The following RGSL1 variants were observed in gnomAD, a reference collection of about 807,000 sequenced individuals.
RGSL1 encodes regulator of G protein signaling like 1.
A neutral mutation model predicts 124.7 loss-of-function variants in RGSL1; 97 were observed. That is an observed-to-expected ratio of 0.78 (90% CI 0.66 to 0.92). The LOEUF is 0.92. RGSL1 is among the 40% of genes least tolerant of loss of function. The pLI, the probability that RGSL1 is intolerant of heterozygous loss-of-function variation, is 0.00. For synonymous variants in RGSL1, 424 were observed against 438.1 expected (o/e 0.97, Z 0.40); for missense variants, 1,233 against 1,288.4 (o/e 0.96, Z 0.66).
chr1:182,480,743 A>C (rs1654643939), intron 6 of RGSL1, among the ~76,000 whole-genome samples: 1 of 152,220 alleles, frequency 6.6e-6, no homozygotes, highest in African/African-American at 2.4e-5. Flanking sequence ...GGCGTGAGCC[A>C]CCACGCTTGG....
At chr1:182,482,359 A>G (rs1271975588) in intron 6 of RGSL1, among the ~76,000 whole-genome samples, 1 of 152,194 alleles carries the variant, frequency 6.6e-6, no homozygotes, top group Non-Finnish European at 1.5e-5. Context: ...CTCCTCATCA[A>G]CAAAATACTG....
chr1:182,466,217 A>G lies in RGSL1; in HGVS notation c.301+6084A>G, dbSNP rs73057363. Among the ~76,000 whole-genome samples, 892 of 152,300 alleles carry G rather than the reference A, an allele frequency of 5.9e-3. 8 individuals are homozygous for G. The highest frequency in any genetic ancestry group is 0.021 in the African/African-American group (862 of 41,562). On this transcript the variant is annotated intron_variant, in intron 4 of 21. Transcript: ENST00000294854. The stretch of plus-strand genomic sequence containing the variant: ...AAACCCACAGTGAACATCATACTCA[A>G]TGACAAAAAACTGAAAGCTTTTCCT...
At chr1:182,544,931 T>C (rs950780263) in intron 15 of RGSL1, among the ~76,000 whole-genome samples, 3 of 152,142 alleles carry the variant, frequency 2.0e-5, no homozygotes, top group African/African-American at 7.2e-5. Flanking sequence ...TGGGTCTTGT[T>C]TCTTTATCCA....
Position 182,493,840 on chromosome 1 carries a change from T to C in RGSL1, c.1825+711T>C, listed in dbSNP as rs142393147. Among the ~76,000 whole-genome samples the C allele has an allele frequency of 2.0e-3, 309 of 152,286 alleles. 2 individuals are homozygous for C. Among genetic ancestry groups the C allele is most frequent in the Non-Finnish European group, 2.3e-3 (156 of 68,034 alleles). On this transcript the variant is annotated intron_variant, in intron 9 of 21. Coordinates refer to ENST00000294854, the MANE Select transcript of RGSL1 (RefSeq NM_001137669.2). ...GGCCCTGAAGGGAGGTTCTGGGTAG[T>C]ACCCAGTACCACCCACTACTGTCCA...
At chr1:182,457,566 G>A (rs1372449018) in intron 2 of RGSL1, among the ~76,000 whole-genome samples, 1 of 152,214 alleles carries the variant, frequency 6.6e-6, no homozygotes, top group Non-Finnish European at 1.5e-5. Flanking sequence ...TAACAAAAGT[G>A]TGAGGCTGTT....
chr1:182,462,314 A>G (rs1383580087), intron 4 of RGSL1, among the ~76,000 whole-genome samples: 1 of 152,198 alleles, frequency 6.6e-6, no homozygotes, highest in Admixed American at 6.5e-5. Context: ...GATAAACAAA[A>G]GTTGAGGGAG....
At chr1:182,467,338 G>A (rs1410834999) in intron 4 of RGSL1, among the ~76,000 whole-genome samples, 1 of 152,140 alleles carries the variant, frequency 6.6e-6, no homozygotes, top group Non-Finnish European at 1.5e-5. Flanking sequence ...GAACAAAGCT[G>A]GAGGCATCAT....
chr1:182,509,882 T>G (rs1422874762), intron 9 of RGSL1, among the ~76,000 whole-genome samples: 1 of 134,558 alleles, frequency 7.4e-6, no homozygotes, highest in African/African-American at 2.9e-5. Context: ...ACTTCCCAGA[T>G]GGGGTGGCTG....
chr1:182,488,370 A>G, intron 7 of RGSL1, 23 bp downstream of exon 7: 1 of 1,542,758 alleles, frequency 6.5e-7, no homozygotes, highest in Non-Finnish European at 8.8e-7. Context: ...TTGGGTTAGG[A>G]AGGAATCATG....
intron 10 of RGSL1, among the ~76,000 whole-genome samples, chr1:182,523,303 A>T (rs1658495047): frequency 6.6e-6 from 1 of 151,630 alleles, no homozygotes; most frequent in Non-Finnish European, 1.5e-5. Flanking sequence ...AACCTTCCAA[A>T]GTGCTGAGAT....
At position 182,485,774 on chromosome 1, in the gene RGSL1, T is replaced by A. The variant is rs1278392115; in HGVS notation, c.1432-2511T>A. 3.3e-5 allele frequency among the ~76,000 whole-genome samples: 5 copies of A among 152,178 alleles called. No individual in the cohort carries two copies. The East Asian group carries it at 9.6e-4, about 29-fold the overall frequency. The stretch of plus-strand genomic sequence containing the variant: ...ATTCGGCTTCCCACATGTATTTGCA[T>A]GGCCAGCAAGCTAGGGATGGTTTAA... On this transcript the variant is annotated intron_variant, in intron 6 of 21. Coordinates refer to ENST00000294854, the MANE Select transcript of RGSL1 (RefSeq NM_001137669.2).
intron 9 of RGSL1, among the ~76,000 whole-genome samples, chr1:182,520,893 A>G (rs1271661358): frequency 1.3e-5 from 2 of 152,196 alleles, no homozygotes; most frequent in African/African-American, 2.4e-5. Context: ...TTTTAAAACA[A>G]TGACTATATA....
intron 9 of RGSL1, among the ~76,000 whole-genome samples, chr1:182,494,397 A>C (rs1046794359): frequency 1.3e-5 from 2 of 152,238 alleles, no homozygotes; most frequent in African/African-American, 2.4e-5. Flanking sequence ...TACAGGAGCC[A>C]CTAGCCCCAT....
intron 20 of RGSL1, 45 bp downstream of exon 20, chr1:182,554,738 T>C (rs779048084): frequency 9.5e-5 from 145 of 1,526,246 alleles, no homozygotes; most frequent in Non-Finnish European, 1.3e-4. Context: ...AGAGCTGCTA[T>C]GTCCAAGCAT....
chr1:182,501,243 T>C (rs1027084269), intron 9 of RGSL1, among the ~76,000 whole-genome samples: 4 of 136,010 alleles, frequency 2.9e-5, no homozygotes, highest in Non-Finnish European at 4.7e-5. Flanking sequence ...GAGATGATTT[T>C]CGTCCTTCCT....
chr1:182,482,148 C>G (rs757015281), intron 6 of RGSL1, among the ~76,000 whole-genome samples: 1 of 152,112 alleles, frequency 6.6e-6, no homozygotes, highest in Non-Finnish European at 1.5e-5. Flanking sequence ...ATGATCAGCT[C>G]AACAGATGCA....
intron 9 of RGSL1, among the ~76,000 whole-genome samples, chr1:182,505,268 A>G (rs1441313607): frequency 1.3e-5 from 2 of 152,212 alleles, no homozygotes; most frequent in Non-Finnish European, 2.9e-5. Flanking sequence ...AGGTCAAAAC[A>G]AACAACCACA....
Position 182,540,200 on chromosome 1 carries a change from GTGACT to G in RGSL1, c.2495-43_2495-39del, listed in dbSNP as rs1558412270. The G allele has an allele frequency of 7.4e-6, 11 of 1,496,244 alleles. No homozygotes were observed. The South Asian group carries it at 1.5e-4, about 20-fold the overall frequency. 92.7% of individuals were successfully genotyped at this position (1,496,244 alleles called of 1,614,324 possible). On this transcript the variant is annotated intron_variant, in intron 14 of 21. Transcript: ENST00000294854. ...TGTTATGCCCAGGTTGAGGGTAAGA[GTGACT>G]TGATCAAACAAAATTGTAATTCCTT...
Position 182,540,431 on chromosome 1 carries a change from C to T in RGSL1, c.2669+10C>T. On this transcript the variant is annotated intron_variant, in intron 15 of 21. Transcript: ENST00000294854. Reference sequence around the variant, plus strand: ...TTTCTGAAATGGAGAAGTAAGTTTTCCACTTCTCCTTCTTCTGCCCTGAAA... The same window carrying T: ...TTTCTGAAATGGAGAAGTAAGTTTTTCACTTCTCCTTCTTCTGCCCTGAAA... The T allele has an allele frequency of 6.5e-7, 1 of 1,547,662 alleles. No homozygotes were observed. The highest frequency in any genetic ancestry group is 2.0e-5 in the Admixed American group (1 of 50,668).
Sources: allele counts gnomAD v4.1 joint callset (sites outside exome capture counted in the v4.1 genomes callset), GRCh38; gene constraint gnomAD v4.1.1; transcripts MANE v1.5; gene names NCBI Gene and HGNC (gene_info 2026-07-23, HGNC 2026-07-21).